Variants in ASCC3 observed in about 807,000 individuals in gnomAD.
ASCC3 encodes the protein ASC-1 complex subunit P200.
ASCC3 carries 158 observed loss-of-function variants against 256.3 expected under a neutral mutation model. The observed-to-expected ratio is 0.62, with a 90% CI of 0.54 to 0.70. The LOEUF (loss-of-function observed/expected upper bound fraction) is 0.70, where lower values mean the gene tolerates loss of function less well. Ranked by LOEUF, ASCC3 falls within the 30% of genes least tolerant of loss-of-function variation. The pLI is 0.00. For synonymous variants in ASCC3, 948 were observed against 883.4 expected, an observed-to-expected ratio of 1.07 and a Z score of -1.30; for missense variants, 2,259 against 2,626.0, an observed-to-expected ratio of 0.86 and a Z score of 3.05.
At chr6:100,617,568 C>G (rs370065629) in intron 30 of ASCC3, among the ~76,000 whole-genome samples, 2 of 152,170 alleles carry the variant, frequency 1.3e-5, no homozygotes, top group South Asian at 2.1e-4. Context: ...CCTTGCCCCC[C>G]TCATTTGCTC....
intron 36 of ASCC3, among the ~76,000 whole-genome samples, chr6:100,557,901 CCA>C (rs1769698354): frequency 6.6e-6 from 1 of 151,318 alleles, no homozygotes; most frequent in African/African-American, 2.4e-5. Context: ...ATCACCCCCC[CCA>C]AAAAAATGTG....
intron 13 of ASCC3, among the ~76,000 whole-genome samples, chr6:100,709,960 T>C (rs1214912460): frequency 6.6e-6 from 1 of 152,164 alleles, no homozygotes; most frequent in Non-Finnish European, 1.5e-5. Context: ...GTCCCACTCT[T>C]ACGGAAAACG....
At chr6:100,776,022 G>T (rs886575157) in intron 8 of ASCC3, among the ~76,000 whole-genome samples, 6 of 151,934 alleles carry the variant, frequency 3.9e-5, no homozygotes, top group African/African-American at 7.2e-5. Flanking sequence ...TAAAGAAGAA[G>T]AATAATGTGG....
intron 10 of ASCC3, among the ~76,000 whole-genome samples, chr6:100,764,602 C>T (rs1189612375): frequency 6.6e-6 from 1 of 152,150 alleles, no homozygotes; most frequent in East Asian, 1.9e-4. Flanking sequence ...GGCTTTGGGA[C>T]TCCTTTGTAA....
intron 10 of ASCC3, among the ~76,000 whole-genome samples, chr6:100,741,879 T>C (rs922221631): frequency 6.6e-6 from 1 of 152,218 alleles, no homozygotes; most frequent in Middle Eastern, 3.2e-3. Flanking sequence ...AATTCAGCCA[T>C]CTCAGTCTCA....
At position 100,800,368 on chromosome 6, in the gene ASCC3, CT is replaced by C. The variant is rs1361297712; in HGVS notation, c.1058del (p.Lys353ArgfsTer6). ...EEKRIARREKKAGEDLEVSEG... is the reference protein window; with the variant it reads ...EEKRIARREKXAGEDLEVSEG... ...CTGAAACTTCTAAATCTTCTCCAGC[CT>C]TTTTTTCTCGTCTGGCAATTCTTTT... is the stretch of plus-strand genomic sequence containing the variant. On this transcript the variant is annotated frameshift_variant, in exon 6 of 42. Transcript: ENST00000369162. LOFTEE classifies it high-confidence loss of function. 1 of 1,612,990 alleles carries C rather than the reference CT, an allele frequency of 6.2e-7. No individual in the cohort carries two copies. The highest frequency in any genetic ancestry group is 8.5e-7 in the Non-Finnish European group (1 of 1,179,362).
At chr6:100,755,280 CTAAGTTTATAATGTTAAA>C (rs1781126243) in intron 10 of ASCC3, among the ~76,000 whole-genome samples, 1 of 151,918 alleles carries the variant, frequency 6.6e-6, no homozygotes, top group South Asian at 2.1e-4. Context: ...TTGGAAAATG[CTAAGTTTATAATGTTAAA>C]TAAATTAACC....
intron 36 of ASCC3, among the ~76,000 whole-genome samples, chr6:100,551,912 G>A (rs1289523981): frequency 6.6e-6 from 1 of 151,874 alleles, no homozygotes; most frequent in African/African-American, 2.4e-5. Flanking sequence ...TCTCTAGGGT[G>A]GGCATGGTGT....
chr6:100,807,107 G>T (rs948655453), intron 4 of ASCC3, among the ~76,000 whole-genome samples: 5 of 151,814 alleles, frequency 3.3e-5, no homozygotes, highest in Admixed American at 6.6e-5. Context: ...ATATTTTCCA[G>T]AAAACTGTGA....
intron 10 of ASCC3, among the ~76,000 whole-genome samples, chr6:100,736,731 T>C (rs1421489559): frequency 6.6e-6 from 1 of 152,192 alleles, no homozygotes; most frequent in Non-Finnish European, 1.5e-5. Context: ...ATCATTTCCC[T>C]GAGAATGAAT....
intron 30 of ASCC3, among the ~76,000 whole-genome samples, chr6:100,618,234 C>G (rs1773765832): frequency 6.6e-6 from 1 of 152,162 alleles, no homozygotes; most frequent in Non-Finnish European, 1.5e-5. Flanking sequence ...ATTTCACTGT[C>G]ACTTTACTGG....
intron 37 of ASCC3, among the ~76,000 whole-genome samples, chr6:100,527,705 T>C (rs1197293149): frequency 2.0e-5 from 3 of 152,206 alleles, no homozygotes; most frequent in African/African-American, 7.2e-5. Flanking sequence ...ACAGTCATAA[T>C]ATCTTTCACT....
chr6:100,532,971 T>C (rs1424883877), intron 37 of ASCC3, among the ~76,000 whole-genome samples: 2 of 152,182 alleles, frequency 1.3e-5, no homozygotes, highest in Non-Finnish European at 1.5e-5. Context: ...TTTTAAAAGA[T>C]ACATATATCT....
chr6:100,871,327 C>G (rs910609690), intron 1 of ASCC3, among the ~76,000 whole-genome samples: 16 of 152,132 alleles, frequency 1.1e-4, no homozygotes, highest in African/African-American at 3.9e-4. Flanking sequence ...AACTCCTGAC[C>G]TCGTGATCCG....
chr6:100,828,821 G>A (rs1771465450), intron 4 of ASCC3, among the ~76,000 whole-genome samples: 1 of 152,048 alleles, frequency 6.6e-6, no homozygotes, highest in Non-Finnish European at 1.5e-5. Flanking sequence ...AAAGAACAAA[G>A]CTTCCACAGT....
intron 37 of ASCC3, among the ~76,000 whole-genome samples, chr6:100,532,376 G>A (rs2398127): frequency 6.5e-4 from 51 of 78,268 alleles, no homozygotes; most frequent in African/African-American, 2.5e-3. Context: ...GTGTGTATGT[G>A]TGTATATATA....
chr6:100,663,619 G>A (rs952447863), intron 14 of ASCC3, among the ~76,000 whole-genome samples: 1 of 152,062 alleles, frequency 6.6e-6, no homozygotes, highest in Middle Eastern at 3.2e-3. Flanking sequence ...TTTCCTTTAT[G>A]TGAAAAGGTG....
chr6:100,875,316 T>C (rs1773945726), intron 1 of ASCC3, among the ~76,000 whole-genome samples: 1 of 152,186 alleles, frequency 6.6e-6, no homozygotes, highest in Non-Finnish European at 1.5e-5. Flanking sequence ...TGGAGGAGTC[T>C]ATATGTATAG....
intron 13 of ASCC3, among the ~76,000 whole-genome samples, chr6:100,708,600 G>A (rs1259060806): frequency 1.3e-5 from 2 of 152,026 alleles, no homozygotes; most frequent in Admixed American, 6.6e-5. Context: ...TTGGAGCGGG[G>A]AGAGCCACTG....
Sources: allele counts gnomAD v4.1 joint callset (sites outside exome capture counted in the v4.1 genomes callset), GRCh38; gene constraint gnomAD v4.1.1; transcripts MANE v1.5; gene names NCBI Gene and HGNC (gene_info 2026-07-23, HGNC 2026-07-21).